The following FGD6 variants were observed in gnomAD, a reference collection of about 807,000 sequenced individuals.
FGD6 encodes FYVE, RhoGEF and PH domain containing 6, also known as FYVE, RhoGEF and PH domain-containing protein 6.
Under a neutral mutation model 149.4 loss-of-function variants are expected in FGD6, and 90 were observed. That is an observed-to-expected ratio of 0.60 (90% CI 0.51 to 0.72). The LOEUF is 0.72. Among genes scored for constraint, FGD6 ranks in the 30% least tolerant of loss-of-function variants. The pLI is 0.00. For synonymous variants in FGD6, 527 were observed against 584.0 expected (o/e 0.90, Z 1.41); for missense variants, 1,437 against 1,684.8 (o/e 0.85, Z 2.57).
chr12:95,078,018 A>G lies in FGD6; in HGVS notation c.*3502T>C, dbSNP rs914283677. The G allele has an allele frequency of 3.9e-5, 6 of 152,306 alleles. No homozygotes were observed. Among genetic ancestry groups the G allele is most frequent in the South Asian group, 2.1e-4 (1 of 4,828 alleles). 9.4% of individuals were successfully genotyped at this position (152,306 alleles called of 1,614,324 possible). ...GTAGATGACAAGAATCCTGTTTTCAATTGAACAAATATTTTCTCTTTAAAG... is the reference window on the plus strand; with the variant it reads ...GTAGATGACAAGAATCCTGTTTTCAGTTGAACAAATATTTTCTCTTTAAAG... On this transcript the variant is annotated 3_prime_UTR_variant, in exon 21 of 21. Transcript: ENST00000343958.
chr12:95,179,814 T>C (rs1458669174), intron 2 of FGD6, among the ~76,000 whole-genome samples: 1 of 152,154 alleles, frequency 6.6e-6, no homozygotes, highest in African/African-American at 2.4e-5. Context: ...TTAATTTGTT[T>C]AGTAATTACT....
In FGD6 at chr12:95,085,871, T is replaced by C. The variant is rs1396680957; in HGVS notation, c.4016A>G (p.Tyr1339Cys). Residue 1339 changes from tyrosine to cysteine, a missense_variant, in exon 19 of 21, where the codon TAC becomes TGC. Tyr to Cys is a radical substitution (Grantham distance 194). This residue lies in a region of FGD6 where 382 missense variants were observed against 538.7 expected (regional missense o/e 0.71). Coordinates refer to ENST00000343958, the MANE Select transcript of FGD6 (RefSeq NM_018351.4). ...ANTEDSSMSGYLYRSKGNKKP... is the reference protein window; with the variant it reads ...ANTEDSSMSGCLYRSKGNKKP... ...TTTATTGCCCTTTGATCTGTACAAG[T>C]AGCCACTCATAGAAGAATCCTCTGT... 1.2e-6 allele frequency: 2 copies of C among 1,612,144 alleles called. No individual in the cohort carries two copies. Among genetic ancestry groups the C allele is most frequent in the Non-Finnish European group, 1.7e-6 (2 of 1,179,600 alleles).
At chr12:95,107,074 AAC>A in intron 12 of FGD6, 37 bp from the exon 13 acceptor site, 1 of 1,432,724 alleles carries the variant, frequency 7.0e-7, no homozygotes, top group Non-Finnish European at 9.8e-7. Flanking sequence ...AAAGTAAAGA[AAC>A]ACATTACTGC....
chr12:95,120,553 G>T (rs1166636112), intron 8 of FGD6, among the ~76,000 whole-genome samples: 3 of 151,910 alleles, frequency 2.0e-5, no homozygotes, highest in Non-Finnish European at 2.9e-5. Flanking sequence ...GGGCATGGTG[G>T]TGTGCGCCTA....
At position 95,172,665 on chromosome 12, in the gene FGD6, A is replaced by T. The variant is rs1422678984; in HGVS notation, c.2521T>A (p.Ser841Thr). ...PSDEEEIINS[S>T]DEDDVSSESS... ...TCAGAGCTGACATCATCTTCATCAG[A>T]ACTGTTGATGATTTCCTCCTCATCA... is the stretch of plus-strand genomic sequence containing the variant. The change falls in exon 3 of 21, where the codon TCT becomes ACT. Residue 841 changes from serine (S) to threonine (T), a missense_variant. By Grantham distance (58) the Ser-to-Thr change is moderately conservative. This residue lies in a region of FGD6 where 1,055 missense variants were observed against 1,146.0 expected (regional missense o/e 0.92). Transcript: ENST00000343958. 1 of 1,612,920 alleles carries T rather than the reference A, an allele frequency of 6.2e-7. No individual in the cohort carries two copies. Among genetic ancestry groups the T allele is most frequent in the East Asian group, 2.2e-5 (1 of 44,866 alleles).
At chr12:95,185,271 A>C (rs778997522) in intron 2 of FGD6, among the ~76,000 whole-genome samples, 7 of 152,244 alleles carry the variant, frequency 4.6e-5, no homozygotes, top group East Asian at 3.8e-4. Context: ...GAAACCAAAA[A>C]AAATCACTAC....
intron 3 of FGD6, among the ~76,000 whole-genome samples, chr12:95,165,333 T>TAA (rs1880774805): frequency 6.6e-6 from 1 of 150,670 alleles, no homozygotes; most frequent in Non-Finnish European, 1.5e-5. Flanking sequence ...ATTTTCTTTT[T>TAA]TTCTTTTTTT....
At chr12:95,123,544 A>G (rs1013470284) in intron 8 of FGD6, among the ~76,000 whole-genome samples, 1 of 151,226 alleles carries the variant, frequency 6.6e-6, no homozygotes, top group Non-Finnish European at 1.5e-5. Flanking sequence ...AAGAAGAGGC[A>G]AACTGCAAAA....
intron 2 of FGD6, among the ~76,000 whole-genome samples, chr12:95,207,744 A>G (rs1353412999): frequency 6.6e-6 from 1 of 152,214 alleles, no homozygotes. Context: ...AGAACATCAG[A>G]CATGCCAATA....
chr12:95,165,644 G>C (rs1175533283), intron 3 of FGD6, among the ~76,000 whole-genome samples: 1 of 149,818 alleles, frequency 6.7e-6, no homozygotes, highest in African/African-American at 2.5e-5. Flanking sequence ...GGCCAATTTT[G>C]TTTTTTCCTA....
chr12:95,149,165 TATA>T lies in FGD6; in HGVS notation c.2685+3643_2685+3645del, dbSNP rs1189650612. Among the ~76,000 whole-genome samples, 11 of 2,138 alleles carry T rather than the reference TATA, an allele frequency of 5.1e-3. 5 individuals are homozygous for T. The highest frequency in any genetic ancestry group is 5.8e-3 in the Non-Finnish European group (11 of 1,900). 1.4% of individuals were successfully genotyped at this position (2,138 alleles called of 152,430 possible). On this transcript the variant is annotated intron_variant, in intron 5 of 20. Coordinates refer to ENST00000343958, the MANE Select transcript of FGD6 (RefSeq NM_018351.4). ...TATATATTATATAATATATAGCATATATAATATTATATATTATATAATATATAG... is the reference window on the plus strand; with the variant it reads ...TATATATTATATAATATATAGCATATATATTATATATTATATAATATATAG...
chr12:95,153,942 T>TGC (rs1880384528), intron 3 of FGD6, among the ~76,000 whole-genome samples: 5 of 131,802 alleles, frequency 3.8e-5, no homozygotes, highest in Admixed American at 3.8e-4. Context: ...TGTGTGTGTG[T>TGC]GTGTGAGTGA....
intron 3 of FGD6, among the ~76,000 whole-genome samples, chr12:95,163,366 A>G (rs894304347): frequency 1.3e-5 from 2 of 151,800 alleles, no homozygotes; most frequent in African/African-American, 4.8e-5. Flanking sequence ...TTTTTTTATG[A>G]TGGCTCCCTT....
chr12:95,094,916 T>C (rs1472902911), intron 14 of FGD6, among the ~76,000 whole-genome samples: 1 of 152,216 alleles, frequency 6.6e-6, no homozygotes, highest in Non-Finnish European at 1.5e-5. Flanking sequence ...TTATTTTTTC[T>C]TTCCAAAAGT....
At position 95,189,919 on chromosome 12, in the gene FGD6, TAATA is replaced by T. The variant is rs528057565; in HGVS notation, c.2442-17179_2442-17176del. Among the ~76,000 whole-genome samples, 193 of 152,346 alleles carry T rather than the reference TAATA, an allele frequency of 1.3e-3. 3 individuals are homozygous for T. Among genetic ancestry groups the T allele is most frequent in the South Asian group, 3.5e-3 (17 of 4,832 alleles). On this transcript the variant is annotated intron_variant, in intron 2 of 20. Coordinates refer to ENST00000343958, the MANE Select transcript of FGD6 (RefSeq NM_018351.4). ...AGAAAACTTTCACCTTTCAGATCTT[TAATA>T]TTCTTCGCTTGTTAGTACTAACTTT...
intron 3 of FGD6, among the ~76,000 whole-genome samples, chr12:95,158,926 A>G (rs1427731062): frequency 6.6e-6 from 1 of 152,120 alleles, no homozygotes; most frequent in Non-Finnish European, 1.5e-5. Flanking sequence ...ATAAGTGAGA[A>G]AAACAGAAAC....
At chr12:95,203,670 GGTCA>G (rs4019353) in intron 2 of FGD6, among the ~76,000 whole-genome samples, 52,041 of 151,720 alleles carry the variant, frequency 0.34, 8,969 homozygotes, top group African/African-American at 0.38. Context: ...CTTGACATAT[GGTCA>G]GTATCTGTGA....
intron 3 of FGD6, among the ~76,000 whole-genome samples, chr12:95,153,943 G>GTT (rs1880385263): frequency 7.6e-6 from 1 of 131,918 alleles, no homozygotes; most frequent in Admixed American, 7.6e-5. Context: ...GTGTGTGTGT[G>GTT]TGTGAGTGAG....
intron 2 of FGD6, among the ~76,000 whole-genome samples, chr12:95,198,978 A>ATT (rs35857908): frequency 0.27 from 41,794 of 152,076 alleles, 6,221 homozygotes; most frequent in East Asian, 0.39. Context: ...CAGCCATATA[A>ATT]TTCTGTGTTC....
Sources: gnomAD v4.1 joint callset for allele counts (sites outside exome capture counted in the v4.1 genomes callset) on GRCh38, gnomAD v4.1.1 for gene constraint, gnomAD v4.1.1 regional missense constraint, MANE v1.5 for transcripts, NCBI Gene and HGNC (gene_info 2026-07-23, HGNC 2026-07-21) for gene names.